The following ACTN1 variants were observed in gnomAD, a reference collection of about 807,000 sequenced individuals.
The protein encoded by ACTN1 is actinin alpha 1.
Under a neutral mutation model 119.6 loss-of-function variants are expected in ACTN1, and 30 were observed. The observed-to-expected ratio is 0.25, with a 90% CI of 0.19 to 0.34. ACTN1 has a LOEUF of 0.34. Ranked by LOEUF, ACTN1 falls within the 10% of genes least tolerant of loss-of-function variation. The pLI, the probability that ACTN1 is intolerant of heterozygous loss-of-function variation, is 1.00. For missense variants in ACTN1, 764 were observed against 1,223.4 expected (o/e 0.62, Z 5.60); for synonymous variants, 429 against 472.6 (o/e 0.91, Z 1.20).
intron 3 of ACTN1, among the ~76,000 whole-genome samples, chr14:68,918,073 A>C (rs80219886): frequency 0.067 from 10,131 of 152,294 alleles, 498 homozygotes; most frequent in African/African-American, 0.11. Context: ...TGTCTCAAAA[A>C]ATAAAAAATA....
At chr14:68,937,480 A>G (rs1396852932) in intron 1 of ACTN1, among the ~76,000 whole-genome samples, 1 of 152,212 alleles carries the variant, frequency 6.6e-6, no homozygotes, top group Non-Finnish European at 1.5e-5. Context: ...TATAGGGAAA[A>G]GGCTCTGAAG....
intron 1 of ACTN1, chr14:68,974,314 G>C (rs1405555254): frequency 6.5e-6 from 1 of 152,824 alleles, no homozygotes; most frequent in East Asian, 1.9e-4. Context: ...AGGCATAGTG[G>C]CTCATGCCTG....
Position 68,935,387 on chromosome 14 carries a change from A to ATT in ACTN1, c.106-9717_106-9716dup, listed in dbSNP as rs560204692. On this transcript the variant is annotated intron_variant, in intron 1 of 21. Transcript: ENST00000394419. ...TCTCCTGTCAGAGAGCTCTCTGTTC[A>ATT]TTTTTTTTTTTTTTTTTTTTTTTTT... Among the ~76,000 whole-genome samples, 492 of 56,436 alleles carry ATT rather than the reference A, an allele frequency of 8.7e-3. 57 individuals carry two copies. Among genetic ancestry groups the ATT allele is most frequent in the African/African-American group, 0.016 (201 of 12,372 alleles). The allele number at this position is 56,436 out of a possible 152,430, so 37.0% of individuals were successfully genotyped here.
intron 1 of ACTN1, among the ~76,000 whole-genome samples, chr14:68,954,319 T>C (rs1036746432): frequency 6.6e-6 from 1 of 151,968 alleles, no homozygotes; most frequent in African/African-American, 2.4e-5. Flanking sequence ...ACAGAGAATT[T>C]ATTTATTTAT....
chr14:68,888,141 C>T, intron 11 of ACTN1: 1 of 564,350 alleles, frequency 1.8e-6, no homozygotes, highest in Non-Finnish European at 3.3e-6. Context: ...TGCTGACAGC[C>T]TTTGCGAAAC....
chr14:68,936,704 A>G, intron 1 of ACTN1: 1 of 636,858 alleles, frequency 1.6e-6, no homozygotes, highest in Non-Finnish European at 3.0e-6. Flanking sequence ...AGCCGGAGGA[A>G]AGGGGCTTTG....
chr14:68,959,922 C>G (rs113370493), intron 1 of ACTN1, among the ~76,000 whole-genome samples: 1 of 152,298 alleles, frequency 6.6e-6, no homozygotes, highest in African/African-American at 2.4e-5. Context: ...TAAGCCTTAC[C>G]TATAACATAA....
At chr14:68,940,239 A>C (rs1236109771) in intron 1 of ACTN1, among the ~76,000 whole-genome samples, 1 of 152,164 alleles carries the variant, frequency 6.6e-6, no homozygotes. Flanking sequence ...AGGAAAAGCC[A>C]CCAAAAGTGA....
rs368583570 is a variant in ACTN1 at position 68,925,635 on chromosome 14, G to T, written c.143C>A (p.Ala48Glu). The change falls in exon 2 of 22, where the codon GCG becomes GAG. Residue 48 changes from alanine (A) to glutamate (E), a missense_variant. Physicochemically the swap from Ala to Glu is moderately radical, Grantham distance 107 (BLOSUM62 -1). Coordinates refer to ENST00000394419, the MANE Select transcript of ACTN1 (RefSeq NM_001130004.2). The surrounding 1 kb of genome is among the most constrained non-coding windows in gnomAD (Gnocchi z 4.3). ...TTCGATGTTCTCGATCTGTGTCCCC[G>T]CCTTCCGGAGGTGGGAGTTACACCA... The part of the protein sequence containing the change: ...TAWCNSHLRK[A>E]GTQIENIEED... 1 of 1,613,162 alleles carries T rather than the reference G, an allele frequency of 6.2e-7. No homozygotes were observed. Among genetic ancestry groups the T allele is most frequent in the Non-Finnish European group, 8.5e-7 (1 of 1,179,510 alleles).
chr14:68,961,181 A>C (rs7140693), intron 1 of ACTN1, among the ~76,000 whole-genome samples: 1 of 152,196 alleles, frequency 6.6e-6, no homozygotes, highest in Non-Finnish European at 1.5e-5. Context: ...TTATGAAACA[A>C]TCTCTATACT....
At chr14:68,977,125 T>G (rs2037087484) in intron 1 of ACTN1, among the ~76,000 whole-genome samples, 1 of 152,202 alleles carries the variant, frequency 6.6e-6, no homozygotes, top group African/African-American at 2.4e-5. Flanking sequence ...AGGTGCTCCC[T>G]AAGCAGGGAT....
chr14:68,939,721 C>T (rs2140484919), intron 1 of ACTN1, among the ~76,000 whole-genome samples: 1 of 152,276 alleles, frequency 6.6e-6, no homozygotes, highest in Non-Finnish European at 1.5e-5. Context: ...AATAGCTGCC[C>T]ATTTATGTGA....
At chr14:68,948,402 C>A (rs1053494688) in intron 1 of ACTN1, among the ~76,000 whole-genome samples, 4 of 152,090 alleles carry the variant, frequency 2.6e-5, no homozygotes, top group African/African-American at 9.7e-5. Flanking sequence ...CATGGTGGAA[C>A]CCCCGTCTCT....
At chr14:68,978,432 C>T (rs1379474982) in intron 1 of ACTN1, 1 of 347,672 alleles carries the variant, frequency 2.9e-6, no homozygotes, top group Non-Finnish European at 5.7e-6. Flanking sequence ...GCCGATCTCT[C>T]CGGCGCTCTC....
chr14:68,912,332 C>G (rs1040481900), intron 3 of ACTN1, 90 bp from the exon 4 acceptor site: 1 of 1,006,364 alleles, frequency 9.9e-7, no homozygotes, highest in South Asian at 1.3e-5. Context: ...CCATGCCCCA[C>G]GCTAGGAATC....
intron 7 of ACTN1, among the ~76,000 whole-genome samples, chr14:68,903,089 A>G (rs1566619196): frequency 6.6e-6 from 1 of 152,252 alleles, no homozygotes; most frequent in Non-Finnish European, 1.5e-5. Flanking sequence ...ATGCAGTGGT[A>G]AAATGATGTG....
intron 1 of ACTN1, 42 bp downstream of exon 1, chr14:68,978,910 G>A (rs1296584264): frequency 7.3e-7 from 1 of 1,375,906 alleles, no homozygotes. Context: ...GGGGCTGGGG[G>A]CTGGGGGCTG....
At chr14:68,920,214 T>A (rs2034563328) in intron 3 of ACTN1, among the ~76,000 whole-genome samples, 1 of 152,260 alleles carries the variant, frequency 6.6e-6, no homozygotes, top group Non-Finnish European at 1.5e-5. Flanking sequence ...CTCATAGGGT[T>A]GTTGTGAGGA....
chr14:68,979,150 C>CTGGGT lies in ACTN1; in HGVS notation c.-95_-94insACCCA. The CTGGGT allele has an allele frequency of 2.0e-6, 1 of 494,468 alleles. No individual in the cohort carries two copies. Among genetic ancestry groups the CTGGGT allele is most frequent in the Non-Finnish European group, 3.4e-6 (1 of 296,682 alleles). The allele number at this position is 494,468 out of a possible 1,614,324, so 30.6% of individuals were successfully genotyped here. ...GGCGTGGGGAGGGAGTAGGGCTGGG[C>CTGGGT]TGGGCTGGGCTGGCGGGGCCGGGCT... On this transcript the variant is annotated 5_prime_UTR_variant, in exon 1 of 22. Transcript: ENST00000394419.
Sources: allele counts gnomAD v4.1 joint callset (sites outside exome capture counted in the v4.1 genomes callset), GRCh38; gene constraint gnomAD v4.1.1; non-coding constraint Gnocchi (gnomAD v3.1); transcripts MANE v1.5; gene names NCBI Gene and HGNC (gene_info 2026-07-23, HGNC 2026-07-21).